Variants in CADM1 observed in about 807,000 individuals in gnomAD.
CADM1 encodes cell adhesion molecule 1, also known as TSLC-1.
In CADM1, 15 loss-of-function variants were observed where a neutral mutation model predicts 53.1. The observed-to-expected ratio is 0.28, with a 90% CI of 0.19 to 0.44. The LOEUF is 0.44. Ranked by LOEUF, CADM1 falls within the 20% of genes least tolerant of loss-of-function variation. The probability of loss-of-function intolerance (pLI) is 1.00; values close to 1 mark genes in which losing one functional copy is unlikely to be tolerated. For missense variants in CADM1, 434 were observed against 611.3 expected, an observed-to-expected ratio of 0.71 and a Z score of 3.06; for synonymous variants, 281 against 243.0, an observed-to-expected ratio of 1.16 and a Z score of -1.45.
chr11:115,181,246 C>T (rs1315701027), intron 10 of CADM1, among the ~76,000 whole-genome samples: 4 of 152,072 alleles, frequency 2.6e-5, no homozygotes, highest in Admixed American at 6.5e-5. Context: ...AAAGATCTCA[C>T]GAGGTATATG....
chr11:115,324,088 C>A (rs565260269), intron 1 of CADM1, among the ~76,000 whole-genome samples: 1 of 152,224 alleles, frequency 6.6e-6, no homozygotes, highest in East Asian at 1.9e-4. Context: ...ACCCTGCATT[C>A]TTCTTAACTC....
intron 1 of CADM1, among the ~76,000 whole-genome samples, chr11:115,254,676 G>C (rs1288007373): frequency 6.6e-6 from 1 of 152,012 alleles, no homozygotes; most frequent in Non-Finnish European, 1.5e-5. Context: ...GCTCAGTTGG[G>C]ATAAGGGTGC....
At chr11:115,432,454 A>G (rs1265760652) in intron 1 of CADM1, among the ~76,000 whole-genome samples, 1 of 152,194 alleles carries the variant, frequency 6.6e-6, no homozygotes, top group African/African-American at 2.4e-5. Context: ...TTAGTGTTCT[A>G]TGAGGTCAAG....
At chr11:115,468,721 T>A (rs1183191796) in intron 1 of CADM1, among the ~76,000 whole-genome samples, 1 of 152,194 alleles carries the variant, frequency 6.6e-6, no homozygotes, top group African/African-American at 2.4e-5. Context: ...AACATAAGTC[T>A]ACAGGAAAAC....
intron 8 of CADM1, among the ~76,000 whole-genome samples, chr11:115,203,800 T>C (rs1940550761): frequency 6.6e-6 from 1 of 152,030 alleles, no homozygotes; most frequent in Admixed American, 6.6e-5. Flanking sequence ...CCCTCCTAAA[T>C]CAATATAGGT....
chr11:115,422,773 C>T (rs1248221609), intron 1 of CADM1, among the ~76,000 whole-genome samples: 3 of 152,176 alleles, frequency 2.0e-5, no homozygotes, highest in South Asian at 2.1e-4. Flanking sequence ...GTTTTTAACA[C>T]ATCAGTCCTT....
intron 10 of CADM1, among the ~76,000 whole-genome samples, chr11:115,185,275 C>T (rs1176633381): frequency 1.3e-5 from 2 of 152,164 alleles, no homozygotes; most frequent in African/African-American, 2.4e-5. Flanking sequence ...TAGGGGTAAG[C>T]GTGGTACTGC....
intron 1 of CADM1, among the ~76,000 whole-genome samples, chr11:115,400,661 G>GTATATATATATATATA (rs372594262): frequency 6.4e-5 from 3 of 46,574 alleles, no homozygotes; most frequent in Non-Finnish European, 1.3e-4. Flanking sequence ...GTGTGTGTGT[G>GTATATATATATATATA]TATATATATA....
chr11:115,227,485 A>C (rs934537775), intron 5 of CADM1, among the ~76,000 whole-genome samples: 2 of 152,300 alleles, frequency 1.3e-5, no homozygotes, highest in Admixed American at 6.5e-5. Context: ...CGTACAAAGG[A>C]GCTAATGTAT....
chr11:115,181,940 A>G (rs1939333772), intron 10 of CADM1, among the ~76,000 whole-genome samples: 1 of 152,188 alleles, frequency 6.6e-6, no homozygotes, highest in African/African-American at 2.4e-5. Flanking sequence ...GGAAGGAAAT[A>G]CCGAGCACTA....
At chr11:115,376,483 G>A (rs1946441303) in intron 1 of CADM1, among the ~76,000 whole-genome samples, 1 of 152,140 alleles carries the variant, frequency 6.6e-6, no homozygotes, top group Non-Finnish European at 1.5e-5. Context: ...AGACAAAAGA[G>A]AGGTATGGCA....
chr11:115,328,734 A>G (rs1262392864), intron 1 of CADM1, among the ~76,000 whole-genome samples: 3 of 115,952 alleles, frequency 2.6e-5, no homozygotes, highest in African/African-American at 1.0e-4. Flanking sequence ...ATGTATATAC[A>G]TATATATATA....
intron 1 of CADM1, among the ~76,000 whole-genome samples, chr11:115,352,791 T>C (rs1370960424): frequency 6.6e-6 from 1 of 152,128 alleles, no homozygotes; most frequent in African/African-American, 2.4e-5. Context: ...ATTATCCCCA[T>C]CTTGCAGTCG....
Position 115,267,682 on chromosome 11 carries a change from T to C in CADM1, c.125-27262A>G, listed in dbSNP as rs560749349. On this transcript the variant is annotated intron_variant, in intron 1 of 11. Transcript: ENST00000331581. Reference sequence around the variant, plus strand: ...AAACTAACCTAAAATTGCTTTCTTTTTTTTTTTTTTTTTTTTCTAAAATTG... The same window carrying C: ...AAACTAACCTAAAATTGCTTTCTTTCTTTTTTTTTTTTTTTTCTAAAATTG... Among the ~76,000 whole-genome samples, 737 of 101,918 alleles carry C rather than the reference T, an allele frequency of 7.2e-3. 5 individuals carry two copies. The highest frequency in any genetic ancestry group is 0.034 in the African/African-American group (636 of 18,714). 66.9% of individuals were successfully genotyped at this position (101,918 alleles called of 152,430 possible).
At chr11:115,447,992 T>A (rs1948489656) in intron 1 of CADM1, among the ~76,000 whole-genome samples, 1 of 152,166 alleles carries the variant, frequency 6.6e-6, no homozygotes, top group African/African-American at 2.4e-5. Context: ...TACTTCTTAC[T>A]AGCAAGTCCC....
chr11:115,202,073 C>A (rs950419845), intron 8 of CADM1, among the ~76,000 whole-genome samples: 12 of 152,032 alleles, frequency 7.9e-5, no homozygotes, highest in African/African-American at 1.2e-4. Flanking sequence ...GTTTATCAGA[C>A]CCCATCTTGA....
At chr11:115,252,533 A>G (rs745638355) in intron 1 of CADM1, among the ~76,000 whole-genome samples, 1 of 152,256 alleles carries the variant, frequency 6.6e-6, no homozygotes, top group African/African-American at 2.4e-5. Context: ...AACCACAAGT[A>G]TGAAACATAT....
chr11:115,429,565 G>A (rs1397369107), intron 1 of CADM1, among the ~76,000 whole-genome samples: 7 of 149,368 alleles, frequency 4.7e-5, no homozygotes, highest in East Asian at 2.0e-4. Context: ...GTGCCATTGC[G>A]CTCCAGCCTG....
In CADM1 at chr11:115,295,290, C is replaced by A. The variant is rs371295304; in HGVS notation, c.125-54870G>T. Among the ~76,000 whole-genome samples the A allele has an allele frequency of 1.5e-4, 23 of 151,654 alleles. 1 individual carries two copies. In the East Asian group the frequency reaches 4.3e-3, roughly 28 times the overall value. On this transcript the variant is annotated intron_variant, in intron 1 of 11. Coordinates refer to ENST00000331581, the MANE Select transcript of CADM1 (RefSeq NM_001301043.2). Reference sequence around the variant, plus strand: ...CACATCAGTACGTCCACCTGCTCTTCCTTCTGGCCTCTCTCTAAGTTACTT... The same window carrying A: ...CACATCAGTACGTCCACCTGCTCTTACTTCTGGCCTCTCTCTAAGTTACTT...
Sources: allele counts gnomAD v4.1 joint callset (sites outside exome capture counted in the v4.1 genomes callset), GRCh38; gene constraint gnomAD v4.1.1; transcripts MANE v1.5; gene names NCBI Gene and HGNC (gene_info 2026-07-23, HGNC 2026-07-21).